SLIT3: variants seen among roughly 807,000 people sequenced by gnomAD.
SLIT3 encodes slit guidance ligand 3.
Under a neutral mutation model 184.0 loss-of-function variants are expected in SLIT3, and 68 were observed. The observed-to-expected ratio is 0.37, with a 90% CI of 0.30 to 0.45. SLIT3 has a LOEUF of 0.45. SLIT3 is among the 20% of genes least tolerant of loss of function. The pLI is 1.00. For missense variants in SLIT3, 1,707 were observed against 2,026.0 expected (o/e 0.84, Z 3.02); for synonymous variants, 831 against 828.6 (o/e 1.00, Z -0.05).
At chr5:169,132,184 G>A (rs962022428) in intron 4 of SLIT3, among the ~76,000 whole-genome samples, 3 of 152,170 alleles carry the variant, frequency 2.0e-5, no homozygotes, top group African/African-American at 7.2e-5. Context: ...AAAGAAAAAG[G>A]AAGGGGGAAA....
In SLIT3 at chr5:169,064,278, G is replaced by T. The variant is rs533279645; in HGVS notation, c.413+129201C>A. Among the ~76,000 whole-genome samples the T allele has an allele frequency of 5.7e-3, 864 of 152,336 alleles. 11 individuals are homozygous for T. Among genetic ancestry groups the T allele is most frequent in the Non-Finnish European group, 0.01 (706 of 68,030 alleles). On this transcript the variant is annotated intron_variant, in intron 4 of 35. Transcript: ENST00000519560. ...AACAAACATTCTTTGCCTGCTTGAAGTATTCTTGGCTCCGAGCCACTGCCT... is the reference window on the plus strand; with the variant it reads ...AACAAACATTCTTTGCCTGCTTGAATTATTCTTGGCTCCGAGCCACTGCCT...
Position 168,666,411 on chromosome 5 carries a change from A to G in SLIT3, c.*43T>C, listed in dbSNP as rs1761043153. On this transcript the variant is annotated 3_prime_UTR_variant, in exon 36 of 36. Coordinates refer to ENST00000519560, the MANE Select transcript of SLIT3 (RefSeq NM_003062.4). ...GGTCCCACATGGCTGTCCCAACTCC[A>G]TCAAGCTGGAGTCCGAGAGGTGGCA... 6.6e-7 allele frequency: 1 copy of G among 1,504,060 alleles called. No individual in the cohort carries two copies. The highest frequency in any genetic ancestry group is 2.3e-5 in the East Asian group (1 of 43,344). The allele number at this position is 1,504,060 out of a possible 1,614,324, so 93.2% of individuals were successfully genotyped here.
Position 169,300,891 on chromosome 5 carries a change from G to A in SLIT3, c.-182C>T. 2.8e-6 allele frequency: 1 copy of A among 362,578 alleles called. No homozygotes were observed. Among genetic ancestry groups the A allele is most frequent in the Non-Finnish European group, 4.4e-6 (1 of 225,214 alleles). The allele number at this position is 362,578 out of a possible 1,614,324, so 22.5% of individuals were successfully genotyped here. A position where few individuals can be genotyped will look rare whatever the true frequency, so the allele number is the denominator to read the frequency against. On this transcript the variant is annotated 5_prime_UTR_variant, in exon 1 of 36. Coordinates refer to ENST00000519560, the MANE Select transcript of SLIT3 (RefSeq NM_003062.4). This position sits in a 1 kb window ranked among gnomAD's most constrained non-coding sequence, Gnocchi z 4.1. ...GCGGAGCGGGGCGCTCCGGGCGGCG[G>A]CGGCGGCAGCAACAGCAGCTCCATC...
chr5:168,827,084 C>G (rs976993530), intron 6 of SLIT3, among the ~76,000 whole-genome samples: 4 of 152,166 alleles, frequency 2.6e-5, no homozygotes, highest in Non-Finnish European at 1.5e-5. Context: ...CATTTAATTC[C>G]TCCAATTATC....
chr5:168,897,436 A>G (rs958680475), intron 4 of SLIT3, among the ~76,000 whole-genome samples: 4 of 152,144 alleles, frequency 2.6e-5, no homozygotes, highest in African/African-American at 9.7e-5. Flanking sequence ...AGAGAGACAG[A>G]GAGAGGGAGA....
At chr5:169,209,551 C>G (rs891484242) in intron 3 of SLIT3, among the ~76,000 whole-genome samples, 4 of 152,174 alleles carry the variant, frequency 2.6e-5, no homozygotes, top group Non-Finnish European at 5.9e-5. Flanking sequence ...ACCCAAATGC[C>G]CATCAATGGT....
chr5:168,985,385 C>T (rs1755087843), intron 4 of SLIT3, among the ~76,000 whole-genome samples: 1 of 152,102 alleles, frequency 6.6e-6, no homozygotes, highest in African/African-American at 2.4e-5. Flanking sequence ...CTCTGAACTG[C>T]CGTGGAGCAA....
chr5:168,899,962 G>A (rs574255572), intron 4 of SLIT3, among the ~76,000 whole-genome samples: 2 of 152,208 alleles, frequency 1.3e-5, no homozygotes, highest in Non-Finnish European at 2.9e-5. Flanking sequence ...CAGAGGCCCC[G>A]GGAAAAGAGA....
At chr5:168,726,263 T>C (rs1361539490) in intron 20 of SLIT3, among the ~76,000 whole-genome samples, 1 of 150,948 alleles carries the variant, frequency 6.6e-6, no homozygotes, top group South Asian at 2.1e-4. Context: ...ACGATTATGA[T>C]GTACCAAGTA....
chr5:168,906,544 C>A (rs1450291993), intron 4 of SLIT3, among the ~76,000 whole-genome samples: 1 of 152,150 alleles, frequency 6.6e-6, no homozygotes, highest in African/African-American at 2.4e-5. Flanking sequence ...AATGCAAGTG[C>A]ATCAGAAAAG....
intron 3 of SLIT3, among the ~76,000 whole-genome samples, chr5:169,224,903 C>G (rs1479751664): frequency 1.3e-5 from 2 of 152,100 alleles, no homozygotes; most frequent in South Asian, 2.1e-4. Flanking sequence ...AAGCTGGTCT[C>G]AAGCTCCTGG....
At chr5:168,735,788 T>C (rs908307644) in intron 20 of SLIT3, among the ~76,000 whole-genome samples, 6 of 152,108 alleles carry the variant, frequency 3.9e-5, no homozygotes, top group Admixed American at 3.9e-4. Context: ...TCCAGGGTAG[T>C]ATTTCTAAAA....
chr5:169,159,546 T>C (rs191524681), intron 4 of SLIT3, among the ~76,000 whole-genome samples: 172 of 147,216 alleles, frequency 1.2e-3, no homozygotes, highest in African/African-American at 3.7e-3. Context: ...GAGGCTGAGG[T>C]GGGCGGATCA....
chr5:168,802,946 G>A (rs993600853), intron 9 of SLIT3, among the ~76,000 whole-genome samples: 10 of 152,214 alleles, frequency 6.6e-5, no homozygotes, highest in African/African-American at 1.9e-4. Context: ...TCTGCCCATG[G>A]CTACAAGGCA....
chr5:168,853,684 C>G (rs1488696801), intron 5 of SLIT3, among the ~76,000 whole-genome samples: 1 of 152,212 alleles, frequency 6.6e-6, no homozygotes, highest in Non-Finnish European at 1.5e-5. Context: ...CGTCTCTAAA[C>G]TTGGCATTGA....
intron 4 of SLIT3, among the ~76,000 whole-genome samples, chr5:169,182,393 A>T (rs950991920): frequency 3.9e-5 from 6 of 152,302 alleles, no homozygotes; most frequent in East Asian, 1.9e-4. Flanking sequence ...ACAGACCTCA[A>T]CCTCCTGGAC....
chr5:169,224,582 G>A (rs540210314), intron 3 of SLIT3, among the ~76,000 whole-genome samples: 2 of 152,132 alleles, frequency 1.3e-5, no homozygotes, highest in African/African-American at 4.8e-5. Flanking sequence ...GGTCCATACT[G>A]GTTTTGAACT....
chr5:169,253,426 C>T (rs1765845587), intron 1 of SLIT3, among the ~76,000 whole-genome samples: 1 of 152,134 alleles, frequency 6.6e-6, no homozygotes, highest in Admixed American at 6.6e-5. Context: ...GTGGGACTGT[C>T]CCCGGCACAG....
intron 4 of SLIT3, among the ~76,000 whole-genome samples, chr5:168,994,363 T>C (rs555091040): frequency 6.6e-6 from 1 of 152,222 alleles, no homozygotes; most frequent in Admixed American, 6.5e-5. Context: ...AAGGTTGACA[T>C]TGTCCTATAC....
Sources: allele counts gnomAD v4.1 joint callset (sites outside exome capture counted in the v4.1 genomes callset), GRCh38; gene constraint gnomAD v4.1.1; non-coding constraint Gnocchi (gnomAD v3.1); transcripts MANE v1.5; gene names NCBI Gene and HGNC (gene_info 2026-07-23, HGNC 2026-07-21).